FKBP5: variants seen among roughly 807,000 people sequenced by gnomAD.
FKBP5 encodes the protein FKBP prolyl isomerase 5.
A neutral mutation model predicts 50.5 loss-of-function variants in FKBP5; 23 were observed. The ratio of observed to expected loss-of-function variants is 0.46; its 90% CI spans 0.33 to 0.65. The LOEUF (loss-of-function observed/expected upper bound fraction) is 0.65, where lower values mean the gene tolerates loss of function less well. Ranked by LOEUF, FKBP5 falls within the 30% of genes least tolerant of loss-of-function variation. FKBP5 has a pLI of 0.02. For synonymous variants in FKBP5, 176 were observed against 190.6 expected (o/e 0.92, Z 0.63); for missense variants, 411 against 553.1 (o/e 0.74, Z 2.58).
intron 8 of FKBP5, chr6:35,585,909 T>G: frequency 1.0e-6 from 1 of 985,132 alleles, no homozygotes; most frequent in African/African-American, 1.7e-5. Context: ...AATTCTCTAG[T>G]TGTTTCATTT....
intron 2 of FKBP5, among the ~76,000 whole-genome samples, chr6:35,701,552 G>GT (rs1339969165): frequency 6.6e-6 from 1 of 151,042 alleles, no homozygotes; most frequent in African/African-American, 2.4e-5. Context: ...CTGTTTGTTT[G>GT]TTTTTTGAGA....
intron 1 of FKBP5, chr6:35,720,616 G>C (rs1379826368): frequency 6.6e-6 from 1 of 152,254 alleles, no homozygotes; most frequent in Non-Finnish European, 1.5e-5. Context: ...CTGAGTAAAG[G>C]GAAGGGAAGA....
intron 7 of FKBP5, among the ~76,000 whole-genome samples, 184 bp downstream of exon 7, chr6:35,590,946 T>C (rs1275475125): frequency 6.6e-6 from 1 of 151,258 alleles, no homozygotes; most frequent in African/African-American, 2.4e-5. Flanking sequence ...AGCTCCTTCG[T>C]TGTATATCAG....
intron 2 of FKBP5, among the ~76,000 whole-genome samples, chr6:35,639,881 T>A (rs1477328639): frequency 6.6e-6 from 1 of 152,176 alleles, no homozygotes; most frequent in Non-Finnish European, 1.5e-5. Flanking sequence ...CATCAGATAA[T>A]CTTTTCAGGA....
At position 35,712,999 on chromosome 6, in the gene FKBP5, C is replaced by T. The variant is rs572500910; in HGVS notation, c.-20+7329G>A. Among the ~76,000 whole-genome samples the T allele has an allele frequency of 6.0e-4, 88 of 146,252 alleles. 1 individual carries two copies. The South Asian group carries it at 7.1e-3, about 12-fold the overall frequency. On this transcript the variant is annotated intron_variant, in intron 2 of 11. Transcript: ENST00000536438. ...GGCTGAGGTGGGAGGATCACTTGAG[C>T]CCTGGAGGTTAAGGCTGCAGTGAGC...
intron 3 of FKBP5, among the ~76,000 whole-genome samples, chr6:35,622,785 A>G (rs73417655): frequency 0.021 from 3,250 of 152,284 alleles, 104 homozygotes; most frequent in African/African-American, 0.067. Flanking sequence ...AGAGGTCAAA[A>G]ATGCAGCATA....
chr6:35,623,135 C>T (rs4713900), intron 3 of FKBP5, among the ~76,000 whole-genome samples: 6 of 152,240 alleles, frequency 3.9e-5, no homozygotes, highest in Non-Finnish European at 7.4e-5. Flanking sequence ...CCAGCTACTC[C>T]GGAGGCTGAG....
In FKBP5 at chr6:35,616,471, T is replaced by G. The variant is rs577566503; in HGVS notation, c.508+2625A>C. Among the ~76,000 whole-genome samples, 12 of 152,250 alleles carry G rather than the reference T, an allele frequency of 7.9e-5. No homozygotes were observed. In the South Asian group the frequency reaches 2.5e-3, roughly 32 times the overall value. ...ATCAATGTTAACTTCCTGATTTTGA[T>G]AAATGTACTGTGATTAGGTAAGATG... is the stretch of plus-strand genomic sequence containing the variant. On this transcript the variant is annotated intron_variant, in intron 5 of 10. Coordinates refer to ENST00000357266, the MANE Select transcript of FKBP5 (RefSeq NM_004117.4).
chr6:35,672,911 C>G (rs1018968870), intron 1 of FKBP5, among the ~76,000 whole-genome samples: 13 of 148,660 alleles, frequency 8.7e-5, no homozygotes, highest in African/African-American at 2.7e-4. Context: ...GCCTGGGCAA[C>G]AGAGAGAGAC....
rs186304113 is a variant in FKBP5, at chr6:35,621,234, A to G, written c.251-960T>C. 1.3e-3 allele frequency among the ~76,000 whole-genome samples: 192 copies of G among 152,346 alleles called. 1 individual carries two copies. The highest frequency in any genetic ancestry group is 6.8e-3 in the Middle Eastern group (2 of 294). On this transcript the variant is annotated intron_variant, in intron 3 of 10. Transcript: ENST00000357266. Reference sequence around the variant, plus strand: ...ATTAGGCTATATAATTGTAATCTCAATGTTTATAGTTCCTATGATGTGCAT... The same window carrying G: ...ATTAGGCTATATAATTGTAATCTCAGTGTTTATAGTTCCTATGATGTGCAT...
At chr6:35,663,570 A>G (rs933692016) in intron 1 of FKBP5, among the ~76,000 whole-genome samples, 2 of 152,052 alleles carry the variant, frequency 1.3e-5, no homozygotes, top group Non-Finnish European at 2.9e-5. Flanking sequence ...CTCTGAAATT[A>G]TTTCTCCTTT....
intron 1 of FKBP5, among the ~76,000 whole-genome samples, chr6:35,669,496 CAT>C (rs1469119608): frequency 6.6e-6 from 1 of 152,032 alleles, no homozygotes; most frequent in Non-Finnish European, 1.5e-5. Flanking sequence ...AGTAAAGTAT[CAT>C]ATATATGTTT....
At chr6:35,637,542 C>T (rs949750475) in intron 2 of FKBP5, among the ~76,000 whole-genome samples, 1 of 146,416 alleles carries the variant, frequency 6.8e-6, no homozygotes, top group Non-Finnish European at 1.5e-5. Flanking sequence ...CGGCTCACTG[C>T]AACCTCTGCC....
chr6:35,606,952 G>T (rs536992477), intron 5 of FKBP5, among the ~76,000 whole-genome samples: 2 of 152,054 alleles, frequency 1.3e-5, no homozygotes, highest in African/African-American at 4.8e-5. Context: ...GTGTTTGTTT[G>T]TTTTTTGAGA....
chr6:35,620,835 G>A (rs1763809760), intron 3 of FKBP5, among the ~76,000 whole-genome samples: 1 of 152,104 alleles, frequency 6.6e-6, no homozygotes, highest in South Asian at 2.1e-4. Context: ...AAAACTGGTG[G>A]TAACATTATC....
At chr6:35,605,183 T>G (rs183315779) in intron 5 of FKBP5, among the ~76,000 whole-genome samples, 3 of 152,098 alleles carry the variant, frequency 2.0e-5, no homozygotes, top group African/African-American at 7.2e-5. Flanking sequence ...AAATTCTACA[T>G]GCTATTCTTA....
intron 5 of FKBP5, among the ~76,000 whole-genome samples, chr6:35,613,686 G>A (rs746893663): frequency 3.9e-5 from 6 of 152,164 alleles, no homozygotes; most frequent in Non-Finnish European, 7.4e-5. Context: ...TAGCTAACTT[G>A]TTTAAAGGAG....
At chr6:35,649,533 C>G (rs1037317619) in intron 1 of FKBP5, among the ~76,000 whole-genome samples, 2 of 151,508 alleles carry the variant, frequency 1.3e-5, no homozygotes, top group Non-Finnish European at 2.9e-5. Context: ...TGGGGATTCT[C>G]TGAAGTTTGA....
upstream of FKBP5, among the ~76,000 whole-genome samples, chr6:35,690,418 T>C (rs1490140662): frequency 6.7e-6 from 1 of 150,212 alleles, no homozygotes; most frequent in Non-Finnish European, 1.5e-5. Flanking sequence ...TGAGCCGAGA[T>C]CGCACCATTG....
Sources: allele counts gnomAD v4.1 joint callset (sites outside exome capture counted in the v4.1 genomes callset), GRCh38; gene constraint gnomAD v4.1.1; transcripts MANE v1.5; gene names NCBI Gene and HGNC (gene_info 2026-07-23, HGNC 2026-07-21).